Variants in MED27 observed in about 807,000 individuals in gnomAD.
MED27 encodes mediator of RNA polymerase II transcription subunit 27.
Under a neutral mutation model 38.2 loss-of-function variants are expected in MED27, and 30 were observed. That is an observed-to-expected ratio of 0.79 (90% CI 0.59 to 1.07). The LOEUF is 1.07. Among genes scored for constraint, MED27 ranks in the 50% least tolerant of loss-of-function variants. The pLI is 0.00. For synonymous variants in MED27, 122 were observed against 153.5 expected, an observed-to-expected ratio of 0.79 and a Z score of 1.52; for missense variants, 289 against 397.5, an observed-to-expected ratio of 0.73 and a Z score of 2.32.
At chr9:131,977,233 G>C (rs1249966556) in intron 3 of MED27, among the ~76,000 whole-genome samples, 1 of 152,174 alleles carries the variant, frequency 6.6e-6, no homozygotes, top group Non-Finnish European at 1.5e-5. Context: ...CCATCATAGA[G>C]CAGCCAGGTG....
At chr9:131,904,542 G>C (rs1019338633) in intron 4 of MED27, among the ~76,000 whole-genome samples, 6 of 149,790 alleles carry the variant, frequency 4.0e-5, no homozygotes, top group South Asian at 2.1e-4. Flanking sequence ...TAGAGATCGG[G>C]GGGGAGCGGT....
chr9:132,023,188 G>A (rs1052472365), intron 2 of MED27, among the ~76,000 whole-genome samples: 2 of 151,876 alleles, frequency 1.3e-5, no homozygotes, highest in Admixed American at 1.3e-4. Context: ...ATATGACCCT[G>A]AATATTTCTC....
intron 6 of MED27, among the ~76,000 whole-genome samples, chr9:131,873,509 A>G (rs2131464850): frequency 6.6e-6 from 1 of 152,298 alleles, no homozygotes; most frequent in East Asian, 1.9e-4. Context: ...TCGGATTTGT[A>G]TGCCACAGGT....
intron 3 of MED27, among the ~76,000 whole-genome samples, chr9:131,962,009 G>T (rs976474490): frequency 3.9e-5 from 6 of 152,176 alleles, no homozygotes; most frequent in African/African-American, 1.4e-4. Context: ...GTCTAAATTT[G>T]TTACTCGATG....
chr9:132,027,282 C>T (rs1159034098), intron 2 of MED27, among the ~76,000 whole-genome samples: 2 of 152,192 alleles, frequency 1.3e-5, no homozygotes, highest in African/African-American at 4.8e-5. Flanking sequence ...ACGCAGGAGC[C>T]GTGTCCACAA....
intron 2 of MED27, among the ~76,000 whole-genome samples, chr9:132,048,812 A>T (rs1833401840): frequency 6.6e-6 from 1 of 152,112 alleles, no homozygotes; most frequent in Non-Finnish European, 1.5e-5. Context: ...TCATGGTAGG[A>T]TTTCCGTGGG....
intron 3 of MED27, among the ~76,000 whole-genome samples, chr9:132,007,105 C>A (rs1832374637): frequency 6.6e-6 from 1 of 152,226 alleles, no homozygotes; most frequent in Non-Finnish European, 1.5e-5. Context: ...TGTTCAAACA[C>A]TGGAAGCCCT....
intron 2 of MED27, among the ~76,000 whole-genome samples, chr9:132,049,808 G>A (rs1307911704): frequency 6.6e-6 from 1 of 152,102 alleles, no homozygotes; most frequent in Non-Finnish European, 1.5e-5. Context: ...CACACATTCA[G>A]CTCTCAGAAA....
At chr9:131,998,099 T>C (rs1832133697) in intron 3 of MED27, among the ~76,000 whole-genome samples, 1 of 152,030 alleles carries the variant, frequency 6.6e-6, no homozygotes. Context: ...ACACGAGTGC[T>C]GAAACCATCC....
chr9:132,011,294 A>G (rs1460769898), intron 3 of MED27, among the ~76,000 whole-genome samples: 2 of 152,212 alleles, frequency 1.3e-5, no homozygotes, highest in Admixed American at 6.5e-5. Flanking sequence ...AAAGTCTAGA[A>G]CAATATCCAT....
At chr9:132,047,475 C>CACACAT (rs1554768183) in intron 2 of MED27, among the ~76,000 whole-genome samples, 1 of 150,832 alleles carries the variant, frequency 6.6e-6, no homozygotes, top group Non-Finnish European at 1.5e-5. Context: ...CACACACACA[C>CACACAT]GTCTTAGTCC....
intron 4 of MED27, among the ~76,000 whole-genome samples, chr9:131,905,727 ACAG>A (rs1210538627): frequency 0.014 from 512 of 37,854 alleles, 13 homozygotes; most frequent in African/African-American, 0.018. Flanking sequence ...AAAAAAAAAA[ACAG>A]AAAAAGAAAA....
chr9:131,995,511 T>C (rs996521192), intron 3 of MED27, among the ~76,000 whole-genome samples: 4 of 152,194 alleles, frequency 2.6e-5, no homozygotes, highest in Non-Finnish European at 5.9e-5. Flanking sequence ...GGACTCCTTC[T>C]ATCTTGGAAG....
chr9:132,054,253 G>A (rs989636108), intron 2 of MED27, among the ~76,000 whole-genome samples: 2 of 152,146 alleles, frequency 1.3e-5, no homozygotes, highest in Admixed American at 6.5e-5. Flanking sequence ...AAAAGTGTGC[G>A]GCACCGCCCC....
intron 2 of MED27, among the ~76,000 whole-genome samples, chr9:132,020,036 T>C (rs1039241579): frequency 6.6e-6 from 1 of 152,234 alleles, no homozygotes; most frequent in Non-Finnish European, 1.5e-5. Context: ...CACAGTTAAA[T>C]ACTTTAGAGA....
chr9:131,948,082 T>C (rs912337553), intron 3 of MED27, among the ~76,000 whole-genome samples: 5 of 152,192 alleles, frequency 3.3e-5, no homozygotes, highest in Non-Finnish European at 5.9e-5. Flanking sequence ...AAGAAAGAGA[T>C]TGGAAGCTTA....
chr9:131,918,908 C>T (rs1830341061), intron 4 of MED27, among the ~76,000 whole-genome samples: 1 of 152,176 alleles, frequency 6.6e-6, no homozygotes, highest in Admixed American at 6.5e-5. Context: ...GCGTCCTTAA[C>T]CTGCTTTGGG....
Position 132,079,767 on chromosome 9 carries a change from G to C in MED27, c.78C>G (p.Ser26=), listed in dbSNP as rs11540328. 2 of 1,614,110 alleles carry C rather than the reference G, an allele frequency of 1.2e-6. No individual in the cohort carries two copies. Among genetic ancestry groups the C allele is most frequent in the Non-Finnish European group, 1.7e-6 (2 of 1,180,010 alleles). The change falls in exon 1 of 8, where the codon TCC becomes TCG. Residue 26 remains serine, a synonymous_variant. Transcript: ENST00000292035. The part of the protein sequence containing the change: ...QAISAIQALR[S]SVSRVFDCLK... ...GGCAGTCGAACACCCTGCTCACGCT[G>C]GAGCGCAGCGCCTGGATGGCACTAA...
At chr9:131,901,936 T>C (rs1291168945) in intron 4 of MED27, among the ~76,000 whole-genome samples, 2 of 152,168 alleles carry the variant, frequency 1.3e-5, no homozygotes, top group African/African-American at 2.4e-5. Flanking sequence ...CGAAGGTCAC[T>C]GGTTTTCTGT....
Sources: gnomAD v4.1 joint callset for allele counts (sites outside exome capture counted in the v4.1 genomes callset) on GRCh38, gnomAD v4.1.1 for gene constraint, MANE v1.5 for transcripts, NCBI Gene and HGNC (gene_info 2026-07-23, HGNC 2026-07-21) for gene names.